Variants in CEP112 observed in about 807,000 individuals in gnomAD.
CEP112 encodes centrosomal protein of 112 kDa.
In CEP112, 127 loss-of-function variants were observed where a neutral mutation model predicts 153.0. The observed-to-expected ratio is 0.83, with a 90% CI of 0.72 to 0.96. The LOEUF (loss-of-function observed/expected upper bound fraction) is 0.96, where lower values mean the gene tolerates loss of function less well. Ranked by LOEUF, CEP112 falls within the 40% of genes least tolerant of loss-of-function variation. The probability of loss-of-function intolerance (pLI) is 0.00; values close to 1 mark genes in which losing one functional copy is unlikely to be tolerated. For synonymous variants in CEP112, 358 were observed against 374.4 expected (o/e 0.96, Z 0.51); for missense variants, 1,089 against 1,101.2 (o/e 0.99, Z 0.16).
At chr17:65,923,496 G>C (rs2060806534) in intron 19 of CEP112, among the ~76,000 whole-genome samples, 1 of 152,132 alleles carries the variant, frequency 6.6e-6, no homozygotes, top group Admixed American at 6.5e-5. Flanking sequence ...AGTGAGCCAT[G>C]ATCATGCCAC....
At chr17:65,793,435 T>C (rs535359932) in intron 21 of CEP112, among the ~76,000 whole-genome samples, 51 of 152,212 alleles carry the variant, frequency 3.4e-4, no homozygotes, top group African/African-American at 1.1e-3. Context: ...CAAACTACCA[T>C]GGCACATGTT....
At chr17:65,780,473 T>C (rs17622316) in intron 21 of CEP112, among the ~76,000 whole-genome samples, 31,503 of 152,016 alleles carry the variant, frequency 0.21, 3,386 homozygotes, top group South Asian at 0.28. Context: ...AAGAAGCAAC[T>C]ATTCTCTGAT....
intron 24 of CEP112, among the ~76,000 whole-genome samples, chr17:65,650,501 C>T (rs1234507693): frequency 6.6e-6 from 1 of 152,108 alleles, no homozygotes; most frequent in Non-Finnish European, 1.5e-5. Flanking sequence ...CTCCCAGCTG[C>T]CTCTGCTTGC....
At chr17:66,064,295 G>A (rs2067033282) in intron 10 of CEP112, among the ~76,000 whole-genome samples, 1 of 152,190 alleles carries the variant, frequency 6.6e-6, no homozygotes, top group Middle Eastern at 3.4e-3. Flanking sequence ...TATTGTTGCT[G>A]CTAGATACTT....
chr17:66,081,072 T>G (rs1252225985), intron 8 of CEP112, among the ~76,000 whole-genome samples: 3 of 152,082 alleles, frequency 2.0e-5, no homozygotes, highest in Non-Finnish European at 4.4e-5. Flanking sequence ...GATGACAGGT[T>G]GATGGGTGCA....
chr17:65,721,439 G>T (rs2049881990), intron 23 of CEP112, among the ~76,000 whole-genome samples: 1 of 152,190 alleles, frequency 6.6e-6, no homozygotes, highest in Non-Finnish European at 1.5e-5. Flanking sequence ...TCATAGTTTG[G>T]CAAAGGTTGA....
At chr17:65,967,218 G>T (rs1229567559) in intron 17 of CEP112, among the ~76,000 whole-genome samples, 1 of 152,192 alleles carries the variant, frequency 6.6e-6, no homozygotes, top group African/African-American at 2.4e-5. Flanking sequence ...ATGCCTGTTG[G>T]TTGAAGCATG....
At chr17:66,062,656 A>T (rs2066969336) in intron 11 of CEP112, among the ~76,000 whole-genome samples, 1 of 152,120 alleles carries the variant, frequency 6.6e-6, no homozygotes, top group East Asian at 1.9e-4. Flanking sequence ...TAATTTCCAA[A>T]AACTGTTTTA....
At chr17:65,714,509 C>T (rs1258384330) in intron 23 of CEP112, among the ~76,000 whole-genome samples, 1 of 152,058 alleles carries the variant, frequency 6.6e-6, no homozygotes, top group African/African-American at 2.4e-5. Context: ...TGTCACCTTA[C>T]TGTCAGTTCA....
chr17:65,946,300 GT>G (rs2061647451), intron 18 of CEP112, among the ~76,000 whole-genome samples: 1 of 151,992 alleles, frequency 6.6e-6, no homozygotes, highest in Non-Finnish European at 1.5e-5. Flanking sequence ...AAATTTAATC[GT>G]TTTACCCTTC....
intron 23 of CEP112, among the ~76,000 whole-genome samples, chr17:65,690,289 G>T (rs2048041555): frequency 1.3e-5 from 2 of 151,630 alleles, no homozygotes; most frequent in South Asian, 4.2e-4. Flanking sequence ...AGCTGGGTGT[G>T]GGGGTGCAAA....
At chr17:65,928,444 A>G (rs960773968) in intron 18 of CEP112, among the ~76,000 whole-genome samples, 1 of 152,238 alleles carries the variant, frequency 6.6e-6, no homozygotes, top group Non-Finnish European at 1.5e-5. Context: ...ATGAGAACAT[A>G]CATCCACAAA....
chr17:65,795,824 T>A (rs2054879220), intron 21 of CEP112, among the ~76,000 whole-genome samples: 1 of 151,876 alleles, frequency 6.6e-6, no homozygotes, highest in African/African-American at 2.4e-5. Flanking sequence ...AATAAATAAA[T>A]AAATAAATAA....
chr17:65,858,460 G>C (rs1017808253), intron 20 of CEP112, among the ~76,000 whole-genome samples: 3 of 151,870 alleles, frequency 2.0e-5, no homozygotes, highest in African/African-American at 7.3e-5. Context: ...TTTCACCTGG[G>C]TTCTCCAATT....
chr17:65,721,172 G>A (rs975147343), intron 23 of CEP112, among the ~76,000 whole-genome samples: 4 of 151,968 alleles, frequency 2.6e-5, no homozygotes, highest in Admixed American at 6.6e-5. Context: ...TACCATGCCT[G>A]GCTAATTTTT....
intron 21 of CEP112, among the ~76,000 whole-genome samples, chr17:65,767,125 A>G (rs1730091538): frequency 6.6e-6 from 1 of 152,198 alleles, no homozygotes; most frequent in Admixed American, 6.5e-5. Flanking sequence ...TCCAGTACAG[A>G]CTACATGGTG....
intron 6 of CEP112, among the ~76,000 whole-genome samples, chr17:66,111,795 A>G (rs1359275201): frequency 6.6e-6 from 1 of 152,142 alleles, no homozygotes; most frequent in Non-Finnish European, 1.5e-5. Flanking sequence ...GTGTTTACCT[A>G]TGTAGCAAAC....
intron 1 of CEP112, among the ~76,000 whole-genome samples, chr17:66,188,280 CACACAA>C (rs57970848): frequency 0.08 from 5,126 of 63,694 alleles, 138 homozygotes; most frequent in African/African-American, 0.11. Context: ...TCACACCACA[CACACAA>C]ACACACACAC....
chr17:65,920,865 A>C (rs1267063244), intron 19 of CEP112, among the ~76,000 whole-genome samples: 1 of 152,086 alleles, frequency 6.6e-6, no homozygotes, highest in African/African-American at 2.4e-5. Context: ...CTACTTTTGC[A>C]ACTGATTTTC....
Sources: gnomAD v4.1 joint callset for allele counts (sites outside exome capture counted in the v4.1 genomes callset) on GRCh38, gnomAD v4.1.1 for gene constraint, MANE v1.5 for transcripts, NCBI Gene and HGNC (gene_info 2026-07-23, HGNC 2026-07-21) for gene names.